P4HA2: variants seen among roughly 807,000 people sequenced by gnomAD.
P4HA2 encodes the protein prolyl 4-hydroxylase subunit alpha-2.
Under a neutral mutation model 76.9 loss-of-function variants are expected in P4HA2, and 46 were observed. The observed-to-expected ratio is 0.60, with a 90% confidence interval of 0.47 to 0.76. The LOEUF is 0.76. Among genes scored for constraint, P4HA2 ranks in the 30% least tolerant of loss-of-function variants. P4HA2 has a pLI of 0.00. For synonymous variants in P4HA2, 243 were observed against 254.0 expected (o/e 0.96, Z 0.41); for missense variants, 583 against 669.4 (o/e 0.87, Z 1.42).
In P4HA2 at chr5:132,191,882, T is replaced by G. The variant is rs1429417547; in HGVS notation, c.*1128A>C. On this transcript the variant is annotated 3_prime_UTR_variant, in exon 15 of 15. Coordinates refer to ENST00000360568, the MANE Select transcript of P4HA2 (RefSeq NM_001017974.2). ...TATCAGCAGCATGCTGCCTGTATTA[T>G]GGTACAGTCCTACAATAAGCATTAA... 3 of 152,256 alleles carry G rather than the reference T, an allele frequency of 2.0e-5. No homozygotes were observed. Among genetic ancestry groups the G allele is most frequent in the African/African-American group, 7.2e-5 (3 of 41,466 alleles). The allele number at this position is 152,256 out of a possible 1,614,324, so 9.4% of individuals were successfully genotyped here.
At chr5:132,209,025 G>T in intron 7 of P4HA2, 113 bp downstream of exon 7, 1 of 733,974 alleles carries the variant, frequency 1.4e-6, no homozygotes. Flanking sequence ...AAAACTGGGG[G>T]ATATACTGAG....
rs761062478 is a variant in P4HA2, at chr5:132,203,810, G to A, written c.1189C>T (p.Arg397Ter). Residue 397 changes from arginine to a stop codon, truncating the protein, a stop_gained, in exon 10 of 15, where the codon CGA becomes TGA. Transcript: ENST00000360568. LOFTEE classifies it high-confidence loss of function. Reference protein sequence around the residue: ...LEEDDDPVVARVNRRMQHITG... With the variant: ...LEEDDDPVVA Reference sequence around the variant, plus strand: ...ATATGCTGCATCCGACGATTTACTCGGGCCACAACAGGGTCATCATCTTCC... The same window carrying A: ...ATATGCTGCATCCGACGATTTACTCAGGCCACAACAGGGTCATCATCTTCC... 1.1e-5 allele frequency: 17 copies of A among 1,613,648 alleles called. No homozygotes were observed. Among genetic ancestry groups the A allele is most frequent in the African/African-American group, 5.3e-5 (4 of 74,908 alleles).
chr5:132,221,240 C>T (rs1318234203), intron 1 of P4HA2, among the ~76,000 whole-genome samples: 1 of 152,200 alleles, frequency 6.6e-6, no homozygotes, highest in Non-Finnish European at 1.5e-5. Flanking sequence ...CAGAAACCCT[C>T]AGAATCCAAC....
At chr5:132,198,829 A>C (rs1329474629) in intron 11 of P4HA2, 50 bp downstream of exon 11, 2 of 1,331,936 alleles carry the variant, frequency 1.5e-6, no homozygotes, top group African/African-American at 2.9e-5. Flanking sequence ...CACCCTTCTC[A>C]AATCAGCTAG....
intron 12 of P4HA2, among the ~76,000 whole-genome samples, chr5:132,196,436 A>G (rs1750653716): frequency 6.6e-6 from 1 of 152,114 alleles, no homozygotes; most frequent in South Asian, 2.1e-4. Context: ...TTCTGCCAGA[A>G]ACCATGTTCT....
At position 132,207,799 on chromosome 5, in the gene P4HA2, T is replaced by A. The variant is rs1325578023; in HGVS notation, c.989A>T (p.Glu330Val). 1 of 1,613,046 alleles carries A rather than the reference T, an allele frequency of 6.2e-7. No homozygotes were observed. Among genetic ancestry groups the A allele is most frequent in the African/African-American group, 1.3e-5 (1 of 74,876 alleles). The change falls in exon 8 of 15, where the codon GAG becomes GTG. Residue 330 changes from glutamate (E) to valine (V), a missense_variant. Physicochemically the swap from Glu to Val is moderately radical, Grantham distance 121. Transcript: ENST00000360568. ...GATGTGCGGGCTGTCCCACTCGTCC[T>A]CCTCTTTGAAGGGGGCAATGAGCAG... ...PQLLIAPFKE[E>V]DEWDSPHIVR...
At chr5:132,199,356 T>C (rs1751164609) in intron 10 of P4HA2, 1 of 174,020 alleles carries the variant, frequency 5.7e-6, no homozygotes, top group African/African-American at 2.4e-5. Context: ...TTTTTTAAAC[T>C]AGTTTTGGAG....
At chr5:132,203,166 AT>A (rs935041485) in intron 10 of P4HA2, among the ~76,000 whole-genome samples, 2 of 152,222 alleles carry the variant, frequency 1.3e-5, no homozygotes, top group Non-Finnish European at 2.9e-5. Flanking sequence ...CTTGCTGTCC[AT>A]TTTGAGGATT....
In P4HA2 at chr5:132,190,479, T is replaced by C. The variant is rs182556148; in HGVS notation, c.*2531A>G. ...TTTTTGCATGAGACAATTTTATATA[T>C]TAAGCCCCTGAGATTTAAGGATTAT... On this transcript the variant is annotated 3_prime_UTR_variant, in exon 15 of 15. Coordinates refer to ENST00000360568, the MANE Select transcript of P4HA2 (RefSeq NM_001017974.2). 2.8e-3 allele frequency among the ~76,000 whole-genome samples: 431 copies of C among 152,304 alleles called. 2 individuals carry two copies. Among genetic ancestry groups the C allele is most frequent in the Non-Finnish European group, 5.2e-3 (356 of 68,016 alleles).
chr5:132,207,287 G>C (rs930084773), intron 8 of P4HA2, among the ~76,000 whole-genome samples: 1 of 152,126 alleles, frequency 6.6e-6, no homozygotes, highest in African/African-American at 2.4e-5. Flanking sequence ...TGGATGAGAA[G>C]ACCCAATATT....
chr5:132,195,404 G>T lies in P4HA2; in HGVS notation c.1434+8C>A, dbSNP rs116723404. ...TTCAACCTCTGACCCACAAGAATCA[G>T]AACTTACCTTCTTAGGCCAAATTGC... On this transcript the variant is annotated splice_region_variant and intron_variant, in intron 13 of 14. Coordinates refer to ENST00000360568, the MANE Select transcript of P4HA2 (RefSeq NM_001017974.2). The T allele has an allele frequency of 5.2e-4, 836 of 1,604,024 alleles. 6 individuals are homozygous for T. In the African/African-American group the frequency reaches 9.8e-3, roughly 19 times the overall value.
rs1752931151 is a variant in P4HA2, at chr5:132,210,507, T to C, written c.486A>G (p.Ala162=). ...CAAAGCAGTCATCCACACTCAGCAT[T>C]GCCTGGTACTTGGTTCCTACAGCAG... The part of the protein sequence containing the change: ...RGELPGTKYQ[A]MLSVDDCFGM... Residue 162 remains alanine, a synonymous_variant, in exon 6 of 15, where the codon GCA becomes GCG. Transcript: ENST00000360568. 4 of 1,613,964 alleles carry C rather than the reference T, an allele frequency of 2.5e-6. No individual in the cohort carries two copies. Among genetic ancestry groups the C allele is most frequent in the Non-Finnish European group, 3.4e-6 (4 of 1,179,992 alleles).
intron 6 of P4HA2, 146 bp downstream of exon 6, chr5:132,210,138 T>G: frequency 1.1e-6 from 1 of 884,928 alleles, no homozygotes; most frequent in Non-Finnish European, 1.8e-6. Context: ...GCTGGACTGG[T>G]CCTAAAGTCA....
chr5:132,215,105 GGGGACA>G (rs1304028966), intron 4 of P4HA2, among the ~76,000 whole-genome samples: 6 of 152,298 alleles, frequency 3.9e-5, no homozygotes, highest in Admixed American at 2.0e-4. Context: ...AGCCATAACT[GGGGACA>G]GGGACCAAGA....
chr5:132,219,062 G>A (rs1754297839), intron 1 of P4HA2, among the ~76,000 whole-genome samples: 1 of 152,182 alleles, frequency 6.6e-6, no homozygotes, highest in Non-Finnish European at 1.5e-5. Flanking sequence ...GCCAGGTTTT[G>A]GGGAACCAGT....
intron 8 of P4HA2, among the ~76,000 whole-genome samples, chr5:132,204,500 C>A (rs1283426069): frequency 1.3e-5 from 2 of 152,196 alleles, no homozygotes. Flanking sequence ...ACCACCCCTG[C>A]CTGAGCACAG....
intron 13 of P4HA2, 116 bp downstream of exon 13, chr5:132,195,296 G>A (rs1197025909): frequency 2.5e-6 from 2 of 801,830 alleles, no homozygotes; most frequent in Non-Finnish European, 2.2e-6. Flanking sequence ...GACCCCAGGT[G>A]GGCTAAGGCA....
In P4HA2 at chr5:132,210,347, C is replaced by T. The variant is rs981033357; in HGVS notation, c.646G>A (p.Ala216Thr). ...KSQVLDYLSY[A>T]VFQLGDLHRA... ...TGCAGATCACCCAACTGGAAGACAG[C>T]ATAGCTGAGGTAGTCCAGCACCTGT... Residue 216 changes from alanine to threonine, a missense_variant, in exon 6 of 15, where the codon GCT becomes ACT. Transcript: ENST00000360568. 12 of 1,614,014 alleles carry T rather than the reference C, an allele frequency of 7.4e-6. No individual in the cohort carries two copies. Among genetic ancestry groups the T allele is most frequent in the Non-Finnish European group, 9.3e-6 (11 of 1,180,022 alleles).
In P4HA2 at chr5:132,192,779, C is replaced by T. The variant is rs200076992; in HGVS notation, c.*231G>A. 3.8e-6 allele frequency: 2 copies of T among 519,772 alleles called. No homozygotes were observed. Among genetic ancestry groups the T allele is most frequent in the Non-Finnish European group, 6.9e-6 (2 of 290,946 alleles). 32.2% of individuals were successfully genotyped at this position (519,772 alleles called of 1,614,324 possible). ...CTTGCTAGGCGCTAGACAGCTAACT[C>T]TGCTGCAGCCACTTTGATCCTAGCC... On this transcript the variant is annotated 3_prime_UTR_variant, in exon 15 of 15. Coordinates refer to ENST00000360568, the MANE Select transcript of P4HA2 (RefSeq NM_001017974.2).
Sources: allele counts gnomAD v4.1 joint callset (sites outside exome capture counted in the v4.1 genomes callset), GRCh38; gene constraint gnomAD v4.1.1; transcripts MANE v1.5; gene names NCBI Gene and HGNC (gene_info 2026-07-23, HGNC 2026-07-21).